EGF: variants seen among roughly 807,000 people sequenced by gnomAD.
The protein encoded by EGF is pro-epidermal growth factor.
In EGF, 95 loss-of-function variants were observed where a neutral mutation model predicts 143.8. The ratio of observed to expected loss-of-function variants is 0.66; its 90% CI spans 0.56 to 0.78. The LOEUF is 0.78. Among genes scored for constraint, EGF ranks in the 30% least tolerant of loss-of-function variants. The probability of loss-of-function intolerance (pLI) is 0.00; values close to 1 mark genes in which losing one functional copy is unlikely to be tolerated. For synonymous variants in EGF, 510 were observed against 510.5 expected (o/e 1.00, Z 0.01); for missense variants, 1,320 against 1,470.9 (o/e 0.90, Z 1.68).
chr4:110,004,684 T>C (rs1753026273), intron 22 of EGF, 62 bp downstream of exon 22: 1 of 1,482,878 alleles, frequency 6.7e-7, no homozygotes, highest in Non-Finnish European at 9.4e-7. Flanking sequence ...ATTCATTTTT[T>C]CTATTTTTTC....
At position 109,958,917 on chromosome 4, in the gene EGF, CAAA is replaced by C. The variant is rs57909689; in HGVS notation, c.941-376_941-374del. On this transcript the variant is annotated intron_variant, in intron 5 of 23. Coordinates refer to ENST00000265171, the MANE Select transcript of EGF (RefSeq NM_001963.6). ...TGGGTGACAGGGGGAGACCCTGTCT[CAAA>C]AAAAAAAAAAAAAAAAAAGTATTCT... Among the ~76,000 whole-genome samples, 325 of 98,542 alleles carry C rather than the reference CAAA, an allele frequency of 3.3e-3. 1 individual carries two copies. The highest frequency in any genetic ancestry group is 0.011 in the African/African-American group (293 of 26,812). 64.6% of individuals were successfully genotyped at this position (98,542 alleles called of 152,430 possible).
chr4:109,990,652 T>G (rs1433043069), intron 18 of EGF, among the ~76,000 whole-genome samples: 1 of 152,234 alleles, frequency 6.6e-6, no homozygotes. Context: ...CTCATGGTTC[T>G]GGAGGCTCGA....
chr4:110,013,532 A>G lies in EGF; in HGVS notation c.*2077A>G, dbSNP rs1282564679. 6.6e-6 allele frequency among the ~76,000 whole-genome samples: 1 copy of G among 152,064 alleles called. No individual in the cohort carries two copies. Among genetic ancestry groups the G allele is most frequent in the Non-Finnish European group, 1.5e-5 (1 of 68,008 alleles). ...AGATATCTTCTTCTTGCAACTTCAC[A>G]TCTTTATCAGTAATGTCCTCTTTCC... On this transcript the variant is annotated 3_prime_UTR_variant, in exon 24 of 24. Coordinates refer to ENST00000265171, the MANE Select transcript of EGF (RefSeq NM_001963.6).
Position 110,011,677 on chromosome 4 carries a change from G to A in EGF, c.*222G>A. 1.5e-6 allele frequency: 1 copy of A among 680,720 alleles called. No homozygotes were observed. Among genetic ancestry groups the A allele is most frequent in the Non-Finnish European group, 2.4e-6 (1 of 419,908 alleles). 42.2% of individuals were successfully genotyped at this position (680,720 alleles called of 1,614,324 possible). Reference sequence around the variant, plus strand: ...AGTAAGAGTACTGGGAGAATCACTAGGTAACTTATTAGAAACCCAAATTGG... The same window carrying A: ...AGTAAGAGTACTGGGAGAATCACTAAGTAACTTATTAGAAACCCAAATTGG... On this transcript the variant is annotated 3_prime_UTR_variant, in exon 24 of 24. Coordinates refer to ENST00000265171, the MANE Select transcript of EGF (RefSeq NM_001963.6).
chr4:109,973,929 T>G (rs1274234281), intron 11 of EGF, among the ~76,000 whole-genome samples: 2 of 152,202 alleles, frequency 1.3e-5, no homozygotes, highest in African/African-American at 4.8e-5. Context: ...TGGCCCTGTT[T>G]ATCTACAGCT....
chr4:109,929,812 T>G (rs1579481934), intron 1 of EGF, among the ~76,000 whole-genome samples: 1 of 152,208 alleles, frequency 6.6e-6, no homozygotes, highest in Non-Finnish European at 1.5e-5. Flanking sequence ...TCACTTGACC[T>G]GAATTTTGAC....
At chr4:109,936,387 G>A (rs1019805864) in intron 1 of EGF, among the ~76,000 whole-genome samples, 6 of 152,138 alleles carry the variant, frequency 3.9e-5, no homozygotes, top group Non-Finnish European at 1.5e-5. Context: ...GGGATCGGTG[G>A]TGATATCCCC....
rs6836311 is a variant in EGF, at chr4:109,987,892, A to T, written c.2608+32A>T. 9,830 of 1,508,792 alleles carry T rather than the reference A, an allele frequency of 6.5e-3. 418 individuals carry two copies. In the African/African-American group the frequency reaches 0.11, roughly 16 times the overall value. The allele number at this position is 1,508,792 out of a possible 1,614,324, so 93.5% of individuals were successfully genotyped here. On this transcript the variant is annotated intron_variant, in intron 17 of 23. Coordinates refer to ENST00000265171, the MANE Select transcript of EGF (RefSeq NM_001963.6). Reference sequence around the variant, plus strand: ...GAAAAGGGCAAATTCACATATTTGGACAATACTGAACCAGAAACATTTTTT... The same window carrying T: ...GAAAAGGGCAAATTCACATATTTGGTCAATACTGAACCAGAAACATTTTTT...
intron 15 of EGF, among the ~76,000 whole-genome samples, chr4:109,982,310 AT>A (rs952638412): frequency 7.7e-5 from 11 of 142,438 alleles, no homozygotes; most frequent in Non-Finnish European, 1.4e-4. Context: ...TGCCCAGCCA[AT>A]TTTTTTTTCT....
chr4:109,992,170 T>TAAAAAAAAAAAAAAAA (rs58841408), intron 18 of EGF, among the ~76,000 whole-genome samples: 2 of 65,634 alleles, frequency 3.0e-5, no homozygotes, highest in Admixed American at 1.9e-4. Flanking sequence ...CAAGATTCTT[T>TAAAAAAAAAAAAAAAA]AAAAAAAAAA....
At chr4:109,936,553 C>G (rs191730447) in intron 1 of EGF, among the ~76,000 whole-genome samples, 8 of 152,228 alleles carry the variant, frequency 5.3e-5, no homozygotes, top group South Asian at 2.1e-4. Context: ...TTCAGTTCTG[C>G]TCTGATCTTA....
intron 13 of EGF, among the ~76,000 whole-genome samples, 159 bp from the exon 14 acceptor site, chr4:109,979,813 G>A (rs1373196931): frequency 6.6e-6 from 1 of 152,168 alleles, no homozygotes; most frequent in Non-Finnish European, 1.5e-5. Context: ...GGCTTTCCTT[G>A]AGGCAGGTGT....
intron 16 of EGF, among the ~76,000 whole-genome samples, chr4:109,986,756 A>G (rs990013702): frequency 1.6e-4 from 24 of 152,140 alleles, no homozygotes; most frequent in African/African-American, 5.5e-4. Context: ...GAGAAAAAAA[A>G]AAAACCTGCT....
intron 1 of EGF, among the ~76,000 whole-genome samples, chr4:109,919,145 T>C (rs961381522): frequency 6.6e-6 from 1 of 152,178 alleles, no homozygotes; most frequent in Non-Finnish European, 1.5e-5. Flanking sequence ...ACAAAAACAG[T>C]TGTGTACTCC....
intron 11 of EGF, among the ~76,000 whole-genome samples, chr4:109,970,072 C>A (rs150544317): frequency 1.4e-3 from 206 of 152,170 alleles, no homozygotes; most frequent in Non-Finnish European, 1.1e-3. Context: ...TCTTTGTTTC[C>A]CTACGGTGGG....
chr4:109,997,241 A>G (rs1751926000), intron 20 of EGF, among the ~76,000 whole-genome samples: 2 of 152,076 alleles, frequency 1.3e-5, no homozygotes, highest in Non-Finnish European at 2.9e-5. Flanking sequence ...GTGTCAGCTG[A>G]TCCATCAAGT....
chr4:109,998,597 T>G (rs1049386357), intron 20 of EGF, among the ~76,000 whole-genome samples: 8 of 152,234 alleles, frequency 5.3e-5, no homozygotes, highest in Admixed American at 5.2e-4. Flanking sequence ...TAACAAGTAC[T>G]AATCCATTTC....
intron 5 of EGF, among the ~76,000 whole-genome samples, chr4:109,947,012 G>A (rs771988679): frequency 5.3e-5 from 8 of 152,010 alleles, no homozygotes; most frequent in Non-Finnish European, 7.4e-5. Context: ...CCAGCTATTC[G>A]GGAGGCTGAG....
chr4:109,922,595 A>C (rs1737992713), intron 1 of EGF, among the ~76,000 whole-genome samples: 1 of 151,716 alleles, frequency 6.6e-6, no homozygotes, highest in Admixed American at 6.5e-5. Context: ...TTCTTTATAC[A>C]GTGGGTTGAT....
Sources: gnomAD v4.1 joint callset for allele counts (sites outside exome capture counted in the v4.1 genomes callset) on GRCh38, gnomAD v4.1.1 for gene constraint, MANE v1.5 for transcripts, NCBI Gene and HGNC (gene_info 2026-07-23, HGNC 2026-07-21) for gene names.